BIRC5: variants seen among roughly 807,000 people sequenced by gnomAD.
The protein encoded by BIRC5 is baculoviral IAP repeat containing 5.
In BIRC5, 8 loss-of-function variants were observed where a neutral mutation model predicts 15.8. That is an observed-to-expected ratio of 0.51 (90% confidence interval 0.30 to 0.91). The LOEUF (loss-of-function observed/expected upper bound fraction) is 0.91, where lower values mean the gene tolerates loss of function less well. Ranked by LOEUF, BIRC5 falls within the 40% of genes least tolerant of loss-of-function variation. The pLI is 0.07. For synonymous variants in BIRC5, 56 were observed against 64.5 expected (o/e 0.87, Z 0.63); for missense variants, 163 against 178.6 (o/e 0.91, Z 0.50).
chr17:78,219,974 G>C (rs2076504239), intron 3 of BIRC5, among the ~76,000 whole-genome samples: 1 of 152,180 alleles, frequency 6.6e-6, no homozygotes, highest in Non-Finnish European at 1.5e-5. Flanking sequence ...GAGGGTTTTT[G>C]CCCTTGCAAA....
At chr17:78,219,866 C>T (rs2076503623) in intron 3 of BIRC5, among the ~76,000 whole-genome samples, 1 of 152,186 alleles carries the variant, frequency 6.6e-6, no homozygotes, top group Admixed American at 6.5e-5. Flanking sequence ...AGACAAGGAG[C>T]AGCTTGTGTG....
intron 2 of BIRC5, 176 bp downstream of exon 2, chr17:78,214,965 A>T (rs2076467315): frequency 1.6e-6 from 1 of 611,400 alleles, no homozygotes; most frequent in Non-Finnish European, 2.8e-6. Context: ...CTTACAACCT[A>T]ATTAAATCTC....
At chr17:78,223,390 C>T in intron 3 of BIRC5, 75 bp from the exon 4 acceptor site, 8 of 1,387,486 alleles carry the variant, frequency 5.8e-6, no homozygotes, top group Admixed American at 4.8e-5. Flanking sequence ...ATTGTTTTTT[C>T]CTTTGTCATC....
intron 3 of BIRC5, among the ~76,000 whole-genome samples, chr17:78,222,125 C>T (rs4789021): frequency 0.38 from 57,442 of 151,182 alleles, 10,958 homozygotes; most frequent in Middle Eastern, 0.49. Context: ...CACTTTGAGC[C>T]TTGCAGGTCA....
intron 1 of BIRC5, 31 bp from the exon 2 acceptor site, chr17:78,214,649 G>C: frequency 6.4e-7 from 1 of 1,552,910 alleles, no homozygotes; most frequent in Non-Finnish European, 8.7e-7. Context: ...GGGCTGCCAC[G>C]TCCACTCACG....
chr17:78,223,018 T>C, intron 3 of BIRC5: 12 of 1,449,634 alleles, frequency 8.3e-6, no homozygotes, highest in Non-Finnish European at 1.1e-5. Flanking sequence ...AGAGCAGAGC[T>C]CTGCCTAGAC....
intron 3 of BIRC5, among the ~76,000 whole-genome samples, chr17:78,222,409 G>A (rs1422604891): frequency 6.6e-6 from 1 of 151,722 alleles, no homozygotes; most frequent in Non-Finnish European, 1.5e-5. Context: ...GCTCACACCT[G>A]TAATCCCAGC....
At chr17:78,221,909 G>T (rs978449605) in intron 3 of BIRC5, among the ~76,000 whole-genome samples, 1 of 152,102 alleles carries the variant, frequency 6.6e-6, no homozygotes, top group Admixed American at 6.6e-5. Flanking sequence ...TTATAAGTGC[G>T]CTGCTGGGCC....
intron 3 of BIRC5, among the ~76,000 whole-genome samples, chr17:78,221,902 T>C (rs12947167): frequency 0.41 from 62,473 of 152,080 alleles, 13,053 homozygotes; most frequent in African/African-American, 0.49. Flanking sequence ...CAGTCCATTA[T>C]AAGTGCGCTG....
In BIRC5 at chr17:78,224,051, G is replaced by GTGTTTTTTTTTTTTTTTTT. The variant is rs1567867388; in HGVS notation, c.*498_*499insGTTTTTTTTTTTTTTTTTT. ...CTCCTCAGAGGACAGTTTTTTTGTT[G>GTGTTTTTTTTTTTTTTTTT]TTGTGTTTTTTTGTTTTTTTTTTTT... is the stretch of plus-strand genomic sequence containing the variant. On this transcript the variant is annotated 3_prime_UTR_variant, in exon 4 of 4. Transcript: ENST00000350051. The GTGTTTTTTTTTTTTTTTTT allele has an allele frequency of 8.7e-6, 1 of 114,834 alleles. No individual in the cohort carries two copies. Among genetic ancestry groups the GTGTTTTTTTTTTTTTTTTT allele is most frequent in the South Asian group, 3.0e-4 (1 of 3,314 alleles). The allele number at this position is 114,834 out of a possible 1,614,324, so 7.1% of individuals were successfully genotyped here.
chr17:78,221,118 A>T (rs2076512423), intron 3 of BIRC5, among the ~76,000 whole-genome samples: 1 of 152,246 alleles, frequency 6.6e-6, no homozygotes. Flanking sequence ...GTGAAAATCG[A>T]TCAGGAAATA....
chr17:78,214,838 G>A (rs1035412120), intron 2 of BIRC5, 49 bp downstream of exon 2: 1 of 1,524,010 alleles, frequency 6.6e-7, no homozygotes, highest in Non-Finnish European at 9.0e-7. Flanking sequence ...GAACTGAGTT[G>A]TCAAAAGATT....
intron 3 of BIRC5, among the ~76,000 whole-genome samples, chr17:78,220,582 C>T (rs1490510631): frequency 6.6e-6 from 1 of 152,062 alleles, no homozygotes; most frequent in Non-Finnish European, 1.5e-5. Flanking sequence ...TTACAGCCTG[C>T]AAGAAAAGTA....
At position 78,224,345 on chromosome 17, in the gene BIRC5, C is replaced by T. The variant is rs919517164; in HGVS notation, c.*791C>T. The T allele has an allele frequency of 1.3e-5, 2 of 152,210 alleles. No homozygotes were observed. Among genetic ancestry groups the T allele is most frequent in the African/African-American group, 2.4e-5 (1 of 41,446 alleles). 9.4% of individuals were successfully genotyped at this position (152,210 alleles called of 1,614,324 possible). A position where few individuals can be genotyped will look rare whatever the true frequency, so the allele number is the denominator to read the frequency against. On this transcript the variant is annotated 3_prime_UTR_variant, in exon 4 of 4. Coordinates refer to ENST00000350051, the MANE Select transcript of BIRC5 (RefSeq NM_001168.3). ...GTGTGATTAGACAGGCCCAGTGAGC[C>T]GCGGGGCACATGCTGGCCGCTCCTC... is the stretch of plus-strand genomic sequence containing the variant.
At chr17:78,221,346 G>A (rs1221746830) in intron 3 of BIRC5, among the ~76,000 whole-genome samples, 1 of 152,180 alleles carries the variant, frequency 6.6e-6, no homozygotes, top group Non-Finnish European at 1.5e-5. Flanking sequence ...CGACCTCCTG[G>A]ACTCAAGCAA....
Position 78,223,774 on chromosome 17 carries a change from TTC to T in BIRC5, c.*236_*237del, listed in dbSNP as rs369792774. On this transcript the variant is annotated 3_prime_UTR_variant, in exon 4 of 4. Transcript: ENST00000350051. The stretch of plus-strand genomic sequence containing the variant: ...GGGTGCTGCTGGTAACAGTGGCTGC[TTC>T]TCTCTCTCTCTCTCTTTTTTGGGGG... 0.025 allele frequency: 22,254 copies of T among 902,596 alleles called. No individual in the cohort carries two copies. Among genetic ancestry groups the T allele is most frequent in the South Asian group, 0.041 (1,539 of 37,274 alleles). The allele number at this position is 902,596 out of a possible 1,614,324, so 55.9% of individuals were successfully genotyped here.
At chr17:78,222,991 A>G in intron 3 of BIRC5, 1 of 1,483,988 alleles carries the variant, frequency 6.7e-7, no homozygotes, top group African/African-American at 1.4e-5. Context: ...TTCAGGAGAA[A>G]GGTAGGGCAG....
In BIRC5 at chr17:78,216,741, A is replaced by G; in HGVS notation, c.299A>G (p.Glu100Gly). ...CAGTTTGAAGAATTAACCCTTGGTG[A>G]ATTTTTGAAACTGGACAGAGAAAGA... The part of the protein sequence containing the change: ...KKQFEELTLG[E>G]FLKLDRERAK... The change falls in exon 3 of 4, where the codon GAA (glutamate) becomes GGA (glycine). Residue 100 changes from glutamate (E) to glycine (G), a missense_variant. By Grantham distance (98) the Glu-to-Gly change is moderately conservative. Coordinates refer to ENST00000350051, the MANE Select transcript of BIRC5 (RefSeq NM_001168.3). The G allele has an allele frequency of 1.2e-6, 2 of 1,614,024 alleles. No homozygotes were observed. The highest frequency in any genetic ancestry group is 1.7e-6 in the Non-Finnish European group (2 of 1,179,940).
intron 3 of BIRC5, 138 bp downstream of exon 3, chr17:78,216,919 GC>G (rs1464673712): frequency 5.1e-6 from 3 of 585,918 alleles, no homozygotes; most frequent in Non-Finnish European, 8.7e-6. Context: ...CACTCTTGTT[GC>G]CCAGGCTGGA....
Sources: gnomAD v4.1 joint callset for allele counts (sites outside exome capture counted in the v4.1 genomes callset) on GRCh38, gnomAD v4.1.1 for gene constraint, MANE v1.5 for transcripts, NCBI Gene and HGNC (gene_info 2026-07-23, HGNC 2026-07-21) for gene names.